The following PLEKHA6 variants were observed in gnomAD, a reference collection of about 807,000 sequenced individuals.
The protein encoded by PLEKHA6 is pleckstrin homology domain containing A6, also known as pleckstrin homology domain-containing family A member 6.
PLEKHA6 carries 60 observed loss-of-function variants against 116.7 expected under a neutral mutation model. That is an observed-to-expected ratio of 0.51 (90% CI 0.42 to 0.64). The LOEUF is 0.64. PLEKHA6 is among the 30% of genes least tolerant of loss of function. The pLI is 0.00. For synonymous variants in PLEKHA6, 489 were observed against 556.1 expected (o/e 0.88, Z 1.70); for missense variants, 1,338 against 1,422.7 (o/e 0.94, Z 0.96).
chr1:204,341,581 C>T (rs1179123739), intron 1 of PLEKHA6, among the ~76,000 whole-genome samples: 1 of 152,178 alleles, frequency 6.6e-6, no homozygotes, highest in Admixed American at 6.5e-5. Flanking sequence ...GGGTGCACCA[C>T]AGGGATCTGT....
chr1:204,336,857 A>G (rs997362104), intron 1 of PLEKHA6, among the ~76,000 whole-genome samples: 1 of 152,210 alleles, frequency 6.6e-6, no homozygotes, highest in Non-Finnish European at 1.5e-5. Flanking sequence ...CTAGGGCTGT[A>G]CCAGAACAAT....
chr1:204,351,251 A>AG (rs1222534450), intron 1 of PLEKHA6, among the ~76,000 whole-genome samples: 1 of 152,166 alleles, frequency 6.6e-6, no homozygotes, highest in East Asian at 1.9e-4. Flanking sequence ...TCCTGCTGTC[A>AG]GGGGCCACCT....
intron 1 of PLEKHA6, among the ~76,000 whole-genome samples, chr1:204,282,081 A>G (rs571513396): frequency 6.6e-6 from 1 of 151,916 alleles, no homozygotes; most frequent in African/African-American, 2.4e-5. Flanking sequence ...TCCTTCCCCC[A>G]TTTTCTCACT....
At chr1:204,362,882 A>G (rs1673586370), upstream of PLEKHA6, among the ~76,000 whole-genome samples, 1 of 152,166 alleles carries the variant, frequency 6.6e-6, no homozygotes, top group African/African-American at 2.4e-5. Flanking sequence ...GCCCAGCTCC[A>G]TCCCTGAGTA....
At position 204,223,117 on chromosome 1, in the gene PLEKHA6, G is replaced by A. The variant is rs553537175; in HGVS notation, c.*9-338C>T. On this transcript the variant is annotated intron_variant, in intron 22 of 22. Coordinates refer to ENST00000272203, the MANE Select transcript of PLEKHA6 (RefSeq NM_014935.5). This position sits in a 1 kb window ranked among gnomAD's most constrained non-coding sequence, Gnocchi z 4.8. ...GTGTATCTCAACAGATGGAAAGCTT[G>A]TCAGCAGACAGGAGGCACAGGGGTG... Among the ~76,000 whole-genome samples the A allele has an allele frequency of 2.6e-5, 4 of 152,306 alleles. No individual in the cohort carries two copies. Among genetic ancestry groups the A allele is most frequent in the African/African-American group, 9.6e-5 (4 of 41,566 alleles).
At chr1:204,360,848 C>A (rs959507367), upstream of PLEKHA6, among the ~76,000 whole-genome samples, 1 of 152,134 alleles carries the variant, frequency 6.6e-6, no homozygotes, top group African/African-American at 2.4e-5. Flanking sequence ...GGACTTCAGA[C>A]AATAGGGTCG....
chr1:204,263,919 A>G (rs776888003), intron 6 of PLEKHA6, among the ~76,000 whole-genome samples: 37 of 152,136 alleles, frequency 2.4e-4, no homozygotes, highest in Admixed American at 1.0e-3. Context: ...TATGTGCCAA[A>G]TAAGTCCTTC....
intron 1 of PLEKHA6, among the ~76,000 whole-genome samples, chr1:204,328,449 T>A (rs1339933869): frequency 1.3e-5 from 2 of 150,334 alleles, no homozygotes; most frequent in African/African-American, 2.5e-5. Context: ...CACGCTGGAG[T>A]GCGATGGCAC....
At chr1:204,337,995 A>G (rs964254993) in intron 1 of PLEKHA6, among the ~76,000 whole-genome samples, 6 of 152,244 alleles carry the variant, frequency 3.9e-5, no homozygotes, top group Non-Finnish European at 8.8e-5. Context: ...TTACAGTCTT[A>G]TTTCTTTTCA....
chr1:204,304,623 G>A (rs1671115020), intron 1 of PLEKHA6, among the ~76,000 whole-genome samples: 1 of 152,082 alleles, frequency 6.6e-6, no homozygotes, highest in Non-Finnish European at 1.5e-5. Context: ...AATACATTTT[G>A]CTTTCTGAAA....
At position 204,251,389 on chromosome 1, in the gene PLEKHA6, G is replaced by A. The variant is rs889507997; in HGVS notation, c.1525-775C>T. ...AATGGAGGTGACATAGTGGAATTAA[G>A]GAAGGAAGACCAGGCCAAGCCTGTC... On this transcript the variant is annotated intron_variant, in intron 9 of 22. Transcript: ENST00000272203. The A allele has an allele frequency of 4.4e-5, 25 of 574,150 alleles. No individual in the cohort carries two copies. The African/African-American group carries it at 4.7e-4, about 11-fold the overall frequency. 35.6% of individuals were successfully genotyped at this position (574,150 alleles called of 1,614,324 possible).
chr1:204,243,977 C>T (rs1045786632), intron 15 of PLEKHA6, among the ~76,000 whole-genome samples: 4 of 151,954 alleles, frequency 2.6e-5, no homozygotes, highest in South Asian at 2.1e-4. Flanking sequence ...CCAGCCACCA[C>T]GCCCGGCTAA....
At chr1:204,243,110 G>GTACC (rs1353137191) in intron 15 of PLEKHA6, 7 of 399,206 alleles carry the variant, frequency 1.8e-5, no homozygotes, top group Non-Finnish European at 3.1e-5. Flanking sequence ...AGGGTGATGG[G>GTACC]TACCTGCCCC....
intron 6 of PLEKHA6, among the ~76,000 whole-genome samples, chr1:204,262,402 A>G (rs1666240584): frequency 6.6e-6 from 1 of 152,204 alleles, no homozygotes; most frequent in African/African-American, 2.4e-5. Context: ...TGAAATTCAA[A>G]GTTCTTAGGC....
At chr1:204,348,300 C>T (rs1026412704) in intron 1 of PLEKHA6, among the ~76,000 whole-genome samples, 3 of 152,210 alleles carry the variant, frequency 2.0e-5, no homozygotes, top group Admixed American at 6.5e-5. Flanking sequence ...CTAATTCAGC[C>T]ATCAGCCACC....
At chr1:204,237,152 G>T (rs4951049) in intron 17 of PLEKHA6, among the ~76,000 whole-genome samples, 51,125 of 151,864 alleles carry the variant, frequency 0.34, 9,007 homozygotes, top group East Asian at 0.5. Flanking sequence ...GGTAATTAAT[G>T]GAGTTTTAGC....
intron 1 of PLEKHA6, chr1:204,317,233 G>C: frequency 1.0e-6 from 1 of 977,006 alleles, no homozygotes; most frequent in Non-Finnish European, 1.2e-6. Context: ...GGCCTAAAGA[G>C]GCCCTCAGGG....
Position 204,274,762 on chromosome 1 carries a change from A to AC in PLEKHA6, c.-48dup. 1.0e-6 allele frequency: 1 copy of AC among 985,846 alleles called. No homozygotes were observed. Among genetic ancestry groups the AC allele is most frequent in the South Asian group, 4.7e-5 (1 of 21,286 alleles). 61.1% of individuals were successfully genotyped at this position (985,846 alleles called of 1,614,324 possible). On this transcript the variant is annotated 5_prime_UTR_variant, in exon 2 of 23. Coordinates refer to ENST00000272203, the MANE Select transcript of PLEKHA6 (RefSeq NM_014935.5). Reference sequence around the variant, plus strand: ...GTCAAATTTTTTGTTTTCCTCTGGGACCTGGCCAGTCACTGGGTGTAGAAA... The same window carrying AC: ...GTCAAATTTTTTGTTTTCCTCTGGGACCCTGGCCAGTCACTGGGTGTAGAAA...
chr1:204,242,223 A>G (rs897279851), intron 15 of PLEKHA6, among the ~76,000 whole-genome samples: 3 of 152,156 alleles, frequency 2.0e-5, no homozygotes, highest in African/African-American at 7.2e-5. Flanking sequence ...GATTCTAGGG[A>G]AATGAAAAGG....
Sources: allele counts gnomAD v4.1 joint callset (sites outside exome capture counted in the v4.1 genomes callset), GRCh38; gene constraint gnomAD v4.1.1; non-coding constraint Gnocchi (gnomAD v3.1); transcripts MANE v1.5; gene names NCBI Gene and HGNC (gene_info 2026-07-23, HGNC 2026-07-21).